REEP1: variants seen among roughly 807,000 people sequenced by gnomAD.
REEP1 encodes receptor accessory protein 1.
A neutral mutation model predicts 40.3 loss-of-function variants in REEP1; 22 were observed. The observed-to-expected ratio is 0.55, with a 90% CI of 0.39 to 0.78. REEP1 has a LOEUF of 0.78. Ranked by LOEUF, REEP1 falls within the 30% of genes least tolerant of loss-of-function variation. The pLI, the probability that REEP1 is intolerant of heterozygous loss-of-function variation, is 0.00. For missense variants in REEP1, 280 were observed against 361.1 expected (o/e 0.78, Z 1.82); for synonymous variants, 116 against 139.2 (o/e 0.83, Z 1.17).
chr2:86,326,475 T>G (rs770176424), intron 1 of REEP1, among the ~76,000 whole-genome samples: 89 of 151,966 alleles, frequency 5.9e-4, no homozygotes, highest in Non-Finnish European at 8.8e-4. Context: ...CACTTTGGGG[T>G]GCCAAGGCGG....
At chr2:86,276,318 G>A (rs149091477) in intron 2 of REEP1, among the ~76,000 whole-genome samples, 148 of 152,246 alleles carry the variant, frequency 9.7e-4, no homozygotes, top group African/African-American at 3.1e-3. Flanking sequence ...GGCGGCATAG[G>A]GTCTTTTCTG....
chr2:86,286,347 G>T (rs143226692), intron 1 of REEP1, among the ~76,000 whole-genome samples: 1 of 152,178 alleles, frequency 6.6e-6, no homozygotes, highest in African/African-American at 2.4e-5. Flanking sequence ...AGTGAGTAGA[G>T]GCCAGGGATG....
At chr2:86,264,098 A>C in intron 2 of REEP1, 57 bp from the exon 3 acceptor site, 1 of 1,352,860 alleles carries the variant, frequency 7.4e-7, no homozygotes, top group Non-Finnish European at 1.1e-6. Flanking sequence ...AACACTGCCC[A>C]ACACCAGGAA....
chr2:86,221,151 GCT>G (rs1005618660), intron 7 of REEP1, among the ~76,000 whole-genome samples: 42 of 152,222 alleles, frequency 2.8e-4, no homozygotes, highest in African/African-American at 8.9e-4. Flanking sequence ...CACCGAATGT[GCT>G]CTCTCTCCAT....
chr2:86,276,201 T>A (rs1394617123), intron 2 of REEP1, among the ~76,000 whole-genome samples: 1 of 152,226 alleles, frequency 6.6e-6, no homozygotes, highest in Non-Finnish European at 1.5e-5. Context: ...GAGACCATGT[T>A]GCCAGCAGCA....
intron 2 of REEP1, among the ~76,000 whole-genome samples, chr2:86,277,973 GTTTAATA>G (rs1677858518): frequency 6.6e-6 from 1 of 152,160 alleles, no homozygotes; most frequent in Admixed American, 6.5e-5. Flanking sequence ...CAAGTAATCA[GTTTAATA>G]TTTATTAACA....
intron 3 of REEP1, among the ~76,000 whole-genome samples, chr2:86,257,043 T>C (rs1157168443): frequency 6.6e-6 from 1 of 152,222 alleles, no homozygotes; most frequent in East Asian, 1.9e-4. Context: ...TCCTGAATAT[T>C]TCCTCAGCAA....
At chr2:86,272,525 ACTT>A (rs2104350930) in intron 2 of REEP1, among the ~76,000 whole-genome samples, 1 of 152,206 alleles carries the variant, frequency 6.6e-6, no homozygotes, top group South Asian at 2.1e-4. Flanking sequence ...TTTTCTTGCC[ACTT>A]CTTCTCAGTG....
At chr2:86,323,811 C>T (rs1000027653) in intron 1 of REEP1, among the ~76,000 whole-genome samples, 12 of 152,084 alleles carry the variant, frequency 7.9e-5, no homozygotes, top group East Asian at 1.9e-4. Context: ...GGCAGGCAGA[C>T]GAACTATTCA....
At chr2:86,273,799 A>T (rs1234753529) in intron 2 of REEP1, among the ~76,000 whole-genome samples, 1 of 152,132 alleles carries the variant, frequency 6.6e-6, no homozygotes, top group Admixed American at 6.5e-5. Flanking sequence ...AGTACCACAC[A>T]CATTCCCTGT....
At chr2:86,259,594 G>T (rs371722759) in intron 3 of REEP1, among the ~76,000 whole-genome samples, 1 of 151,848 alleles carries the variant, frequency 6.6e-6, no homozygotes, top group African/African-American at 2.4e-5. Flanking sequence ...CACCATGTTT[G>T]CCAGGTTGGT....
intron 1 of REEP1, among the ~76,000 whole-genome samples, chr2:86,329,569 A>C (rs1170184390): frequency 1.3e-5 from 2 of 152,202 alleles, no homozygotes; most frequent in African/African-American, 4.8e-5. Flanking sequence ...GTCCACAGAC[A>C]ATAATGAAAA....
intron 1 of REEP1, among the ~76,000 whole-genome samples, chr2:86,309,131 TGG>T (rs1679638721): frequency 6.6e-6 from 1 of 152,216 alleles, no homozygotes; most frequent in Non-Finnish European, 1.5e-5. Flanking sequence ...CCCCTCGCTG[TGG>T]GGGAATTACA....
At chr2:86,235,607 A>G (rs1208236015) in intron 5 of REEP1, among the ~76,000 whole-genome samples, 1 of 152,204 alleles carries the variant, frequency 6.6e-6, no homozygotes, top group African/African-American at 2.4e-5. Context: ...CCCAAGCCCA[A>G]ATAAACGGCC....
At chr2:86,233,992 G>C (rs10167102) in intron 5 of REEP1, among the ~76,000 whole-genome samples, 11,115 of 152,114 alleles carry the variant, frequency 0.073, 1,326 homozygotes, top group African/African-American at 0.25. Context: ...CTGCTGGTGG[G>C]ATTGATGAAA....
At chr2:86,273,934 A>G (rs1677602373) in intron 2 of REEP1, among the ~76,000 whole-genome samples, 3 of 152,348 alleles carry the variant, frequency 2.0e-5, no homozygotes, top group Admixed American at 6.5e-5. Flanking sequence ...AGTACCCAAA[A>G]CAATTCCTGA....
At chr2:86,297,670 T>A in intron 1 of REEP1, 5 of 983,744 alleles carry the variant, frequency 5.1e-6, no homozygotes, top group Non-Finnish European at 6.0e-6. Context: ...AACACTTACT[T>A]TTCCAAGGTG....
At chr2:86,320,931 G>A (rs961024586) in intron 1 of REEP1, among the ~76,000 whole-genome samples, 6 of 152,202 alleles carry the variant, frequency 3.9e-5, no homozygotes, top group African/African-American at 1.4e-4. Flanking sequence ...CGATTCTCCT[G>A]CCTCAGCCTC....
At chr2:86,255,149 G>A in intron 3 of REEP1, 1 of 257,192 alleles carries the variant, frequency 3.9e-6, no homozygotes, top group South Asian at 6.2e-5. Flanking sequence ...TGGAGCTAGG[G>A]TTCTGGCCAC....
Sources: allele counts gnomAD v4.1 joint callset (sites outside exome capture counted in the v4.1 genomes callset), GRCh38; gene constraint gnomAD v4.1.1; transcripts MANE v1.5; gene names NCBI Gene and HGNC (gene_info 2026-07-23, HGNC 2026-07-21).